The following CYP4F3 variants were observed in gnomAD, a reference collection of about 807,000 sequenced individuals.
The protein encoded by CYP4F3 is cytochrome P450 family 4 subfamily F member 3, also known as cytochrome P450 4F3.
CYP4F3 carries 50 observed loss-of-function variants against 54.8 expected under a neutral mutation model. The ratio of observed to expected loss-of-function variants is 0.91; its 90% CI spans 0.73 to 1.16. CYP4F3 has a LOEUF of 1.16. Ranked by LOEUF, CYP4F3 falls within the 50% of genes most tolerant of loss-of-function variation. The pLI is 0.00. For synonymous variants in CYP4F3, 244 were observed against 262.6 expected (o/e 0.93, Z 0.69); for missense variants, 715 against 676.2 (o/e 1.06, Z -0.64).
intron 9 of CYP4F3, among the ~76,000 whole-genome samples, chr19:15,655,976 T>C (rs1973000095): frequency 6.6e-6 from 1 of 152,250 alleles, no homozygotes; most frequent in South Asian, 2.1e-4. Flanking sequence ...AATACATTGT[T>C]CACTAAAGGC....
intron 5 of CYP4F3, among the ~76,000 whole-genome samples, chr19:15,648,683 T>G (rs1387036661): frequency 1.3e-5 from 2 of 152,190 alleles, no homozygotes; most frequent in Non-Finnish European, 2.9e-5. Context: ...TTGTCTAATT[T>G]GATTTTAACA....
At chr19:15,659,131 G>A (rs1403834773) in intron 12 of CYP4F3, 89 bp from the exon 13 acceptor site, 128 of 1,389,214 alleles carry the variant, frequency 9.2e-5, no homozygotes, top group Non-Finnish European at 1.2e-4. Context: ...GCTCTAGGTG[G>A]GGTTGGGTGT....
Position 15,660,901 on chromosome 19 carries a change from G to A in CYP4F3, c.*1516G>A, listed in dbSNP as rs2095557455. 6.6e-6 allele frequency: 1 copy of A among 151,926 alleles called. No homozygotes were observed. The allele number at this position is 151,926 out of a possible 1,614,324, so 9.4% of individuals were successfully genotyped here. On this transcript the variant is annotated 3_prime_UTR_variant, in exon 13 of 13. Transcript: ENST00000221307. The stretch of plus-strand genomic sequence containing the variant: ...CCAGCTAATTGTTGTATTTTTAATA[G>A]AGGCGGGGTTTCGCCATGTTGCACT...
At chr19:15,647,499 T>C (rs994863753) in intron 5 of CYP4F3, among the ~76,000 whole-genome samples, 175 bp downstream of exon 5, 1 of 152,148 alleles carries the variant, frequency 6.6e-6, no homozygotes, top group African/African-American at 2.4e-5. Flanking sequence ...GGTGATGTAG[T>C]GGAGTCATGT....
At chr19:15,647,846 C>T (rs765639963) in intron 5 of CYP4F3, among the ~76,000 whole-genome samples, 1 of 152,120 alleles carries the variant, frequency 6.6e-6, no homozygotes, top group Non-Finnish European at 1.5e-5. Context: ...AGCTTAGACC[C>T]CTGGATGTTC....
At chr19:15,649,822 A>T in intron 6 of CYP4F3, 91 bp from the exon 7 acceptor site, 4 of 1,546,222 alleles carry the variant, frequency 2.6e-6, no homozygotes, top group Non-Finnish European at 3.5e-6. Context: ...CCGTTTACTG[A>T]TAGGAGGTAG....
Position 15,658,394 on chromosome 19 carries a change from A to G in CYP4F3, c.1246A>G (p.Lys416Glu). Reference sequence around the variant, plus strand: ...GCTCCCAGACGGCCGGGTCATCCCCAAAGGTGCCACAGCCTCAGGGGGAGG... The same window carrying G: ...GCTCCCAGACGGCCGGGTCATCCCCGAAGGTGCCACAGCCTCAGGGGGAGG... ...IVLPDGRVIP[K>E]GIICLISVFG... Residue 416 changes from lysine (K) to glutamate (E), a missense_variant, in exon 10 of 13, where the codon AAA (lysine) becomes GAA (glutamate). By Grantham distance (56) the Lys-to-Glu change is moderately conservative. Coordinates refer to ENST00000221307, the MANE Select transcript of CYP4F3 (RefSeq NM_000896.3). 1.2e-6 allele frequency: 2 copies of G among 1,613,864 alleles called. No individual in the cohort carries two copies. The highest frequency in any genetic ancestry group is 1.7e-6 in the Non-Finnish European group (2 of 1,179,858).
At chr19:15,653,000 C>T in intron 9 of CYP4F3, 48 bp downstream of exon 9, 1 of 1,557,748 alleles carries the variant, frequency 6.4e-7, no homozygotes, top group Non-Finnish European at 8.7e-7. Context: ...CTCATTGGCT[C>T]TGTTCCCCAG....
Position 15,659,287 on chromosome 19 carries a change from T to C in CYP4F3, c.1465T>C (p.Phe489Leu), listed in dbSNP as rs1973127498. The part of the protein sequence containing the change: ...KVVLGLTLLR[F>L]RVLPDHTEPR... ...GGTCCTGGGGCTCACGCTGCTGCGC[T>C]TCCGCGTCCTGCCTGACCACACCGA... Residue 489 changes from phenylalanine (F) to leucine (L), a missense_variant, in exon 13 of 13, where the codon TTC (phenylalanine) becomes CTC (leucine). Phe to Leu is a conservative substitution (Grantham distance 22, BLOSUM62 0). Transcript: ENST00000221307. 1.2e-6 allele frequency: 2 copies of C among 1,613,386 alleles called. No homozygotes were observed. Among genetic ancestry groups the C allele is most frequent in the Non-Finnish European group, 1.7e-6 (2 of 1,179,832 alleles).
At chr19:15,653,190 A>T (rs1972911471) in intron 9 of CYP4F3, among the ~76,000 whole-genome samples, 1 of 152,166 alleles carries the variant, frequency 6.6e-6, no homozygotes, top group Admixed American at 6.5e-5. Context: ...GTGAGGACAG[A>T]TAACGCCACT....
chr19:15,648,228 T>G (rs780553667), intron 5 of CYP4F3, among the ~76,000 whole-genome samples: 1 of 152,042 alleles, frequency 6.6e-6, no homozygotes, highest in Non-Finnish European at 1.5e-5. Context: ...AAAGGATAGT[T>G]TTACTACTCA....
At chr19:15,644,198 C>T (rs952717099) in intron 2 of CYP4F3, 14 of 1,077,792 alleles carry the variant, frequency 1.3e-5, no homozygotes, top group African/African-American at 3.3e-5. Context: ...TTCATGTATT[C>T]ACTAATTCCC....
chr19:15,654,158 G>GC (rs1972953041), intron 9 of CYP4F3, among the ~76,000 whole-genome samples: 1 of 152,116 alleles, frequency 6.6e-6, no homozygotes, highest in South Asian at 2.1e-4. Context: ...CCATGCCTTT[G>GC]CCCAGCACAG....
intron 2 of CYP4F3, 131 bp from the exon 3 acceptor site, chr19:15,645,588 G>A: frequency 8.2e-7 from 1 of 1,225,892 alleles, no homozygotes; most frequent in Non-Finnish European, 1.1e-6. Flanking sequence ...GCCCAGTGGG[G>A]GCTCAGCACT....
Position 15,662,697 on chromosome 19 carries a change from T to G in CYP4F3, c.*3312T>G, listed in dbSNP as rs892983990. ...TAGTATACCCCTGTATTTATTTGTTTTCTTGAATTTCTTTTATCATTGTTT... is the reference window on the plus strand; with the variant it reads ...TAGTATACCCCTGTATTTATTTGTTGTCTTGAATTTCTTTTATCATTGTTT... On this transcript the variant is annotated 3_prime_UTR_variant, in exon 13 of 13. Coordinates refer to ENST00000221307, the MANE Select transcript of CYP4F3 (RefSeq NM_000896.3). 52 of 152,248 alleles carry G rather than the reference T, an allele frequency of 3.4e-4. No individual in the cohort carries two copies. The highest frequency in any genetic ancestry group is 1.3e-3 in the African/African-American group (52 of 41,466). 9.4% of individuals were successfully genotyped at this position (152,248 alleles called of 1,614,324 possible). A position where few individuals can be genotyped will look rare whatever the true frequency, so the allele number is the denominator to read the frequency against.
intron 2 of CYP4F3, among the ~76,000 whole-genome samples, chr19:15,643,341 G>GATAC (rs57533713): frequency 0.29 from 43,340 of 148,624 alleles, 7,355 homozygotes; most frequent in East Asian, 0.49. Flanking sequence ...TAGACAGATA[G>GATAC]ATACATACAT....
intron 6 of CYP4F3, 58 bp downstream of exon 6, chr19:15,649,339 G>A (rs757384452): frequency 6.2e-6 from 10 of 1,610,074 alleles, no homozygotes; most frequent in Non-Finnish European, 8.5e-6. Context: ...TGGTAGGTGG[G>A]GGGCTGGGGA....
intron 7 of CYP4F3, among the ~76,000 whole-genome samples, chr19:15,652,156 A>C (rs1972875385): frequency 6.6e-6 from 1 of 152,158 alleles, no homozygotes; most frequent in African/African-American, 2.4e-5. Context: ...TACAACTCAA[A>C]TGTCTCCAGG....
At position 15,662,272 on chromosome 19, in the gene CYP4F3, C is replaced by CAAAAAAAAAAAAAAAAAAAAAAAAAAAA. The variant is rs376922016; in HGVS notation, c.*2907_*2908insAAAAAAAAAAAAAAAAAAAAAAAAAAAA. On this transcript the variant is annotated 3_prime_UTR_variant, in exon 13 of 13. Transcript: ENST00000221307. The stretch of plus-strand genomic sequence containing the variant: ...GGTGAAAGAGCTAGATTCTCTCTCT[C>CAAAAAAAAAAAAAAAAAAAAAAAAAAAA]AAAAAAAAAAAAAAAAAAAAGGAAA... 6 of 73,672 alleles carry CAAAAAAAAAAAAAAAAAAAAAAAAAAAA rather than the reference C, an allele frequency of 8.1e-5. 1 individual carries two copies. Among genetic ancestry groups the CAAAAAAAAAAAAAAAAAAAAAAAAAAAA allele is most frequent in the African/African-American group, 4.0e-4 (5 of 12,354 alleles). 4.6% of individuals were successfully genotyped at this position (73,672 alleles called of 1,614,324 possible).
Sources: gnomAD v4.1 joint callset for allele counts (sites outside exome capture counted in the v4.1 genomes callset) on GRCh38, gnomAD v4.1.1 for gene constraint, MANE v1.5 for transcripts, NCBI Gene and HGNC (gene_info 2026-07-23, HGNC 2026-07-21) for gene names.